The following ABCG8 variants were observed in gnomAD, a reference collection of about 807,000 sequenced individuals.
ABCG8 encodes the protein ATP-binding cassette sub-family G member 8.
ABCG8 carries 81 observed loss-of-function variants against 71.3 expected under a neutral mutation model. The observed-to-expected ratio is 1.14, with a 90% CI of 0.95 to 1.37. The LOEUF (loss-of-function observed/expected upper bound fraction) is 1.37. Among genes scored for constraint, ABCG8 ranks in the 40% most tolerant of loss-of-function variants. The pLI is 0.00. For synonymous variants in ABCG8, 451 were observed against 354.7 expected (o/e 1.27, Z -3.05); for missense variants, 1,119 against 866.2 (o/e 1.29, Z -3.66).
chr2:43,877,315 G>C (rs1411347944), intron 11 of ABCG8, among the ~76,000 whole-genome samples: 1 of 151,348 alleles, frequency 6.6e-6, no homozygotes, highest in Non-Finnish European at 1.5e-5. Context: ...TGTGAATATG[G>C]GGGAGACCAC....
chr2:43,877,761 T>C lies in ABCG8; in HGVS notation c.1885-15T>C, dbSNP rs1157805575. 1 of 1,614,038 alleles carries C rather than the reference T, an allele frequency of 6.2e-7. No individual in the cohort carries two copies. The highest frequency in any genetic ancestry group is 2.2e-5 in the East Asian group (1 of 44,896). On this transcript the variant is annotated splice_polypyrimidine_tract_variant and intron_variant, in intron 12 of 12. Coordinates refer to ENST00000272286, the MANE Select transcript of ABCG8 (RefSeq NM_022437.3). ...CCATCCTCCTCATGAGCCCACTGCATGTCTGTGTCTCCAGATCCTCAGTGT... is the reference window on the plus strand; with the variant it reads ...CCATCCTCCTCATGAGCCCACTGCACGTCTGTGTCTCCAGATCCTCAGTGT...
intron 6 of ABCG8, among the ~76,000 whole-genome samples, chr2:43,867,358 AAG>A (rs1669566472): frequency 6.8e-6 from 1 of 146,262 alleles, no homozygotes; most frequent in African/African-American, 2.6e-5. Context: ...AAAAAAAAAA[AAG>A]AATTCTCACC....
chr2:43,855,966 C>G (rs1175591026), intron 6 of ABCG8, among the ~76,000 whole-genome samples: 1 of 151,842 alleles, frequency 6.6e-6, no homozygotes, highest in Non-Finnish European at 1.5e-5. Flanking sequence ...AGAACTCTCA[C>G]TATCTATCTG....
At chr2:43,873,098 T>A (rs1669837039) in intron 8 of ABCG8, among the ~76,000 whole-genome samples, 1 of 152,084 alleles carries the variant, frequency 6.6e-6, no homozygotes, top group South Asian at 2.1e-4. Flanking sequence ...CTAGCCATAA[T>A]CACCCACCCA....
At chr2:43,856,677 A>G (rs1038599919) in intron 6 of ABCG8, among the ~76,000 whole-genome samples, 21 of 151,914 alleles carry the variant, frequency 1.4e-4, no homozygotes, top group African/African-American at 5.1e-4. Context: ...CTATCTGGAT[A>G]TAATTCTCAC....
intron 3 of ABCG8, among the ~76,000 whole-genome samples, chr2:43,850,086 T>C (rs7590687): frequency 0.95 from 144,428 of 152,172 alleles, 68,622 homozygotes; most frequent in East Asian, 1. Flanking sequence ...GTGGCAGGCA[T>C]GGTGGCAGGT....
At chr2:43,854,977 G>A (rs1258527564) in intron 6 of ABCG8, among the ~76,000 whole-genome samples, 2 of 152,206 alleles carry the variant, frequency 1.3e-5, no homozygotes, top group Non-Finnish European at 2.9e-5. Context: ...GGGCAGAGCA[G>A]CCGACCAAGG....
intron 6 of ABCG8, among the ~76,000 whole-genome samples, chr2:43,860,205 CCA>C: frequency 6.6e-6 from 1 of 151,262 alleles, no homozygotes; most frequent in South Asian, 2.1e-4. Flanking sequence ...AGAATTCTCA[CCA>C]TCTGGATAAA....
At chr2:43,874,925 G>A (rs1336122440) in intron 10 of ABCG8, among the ~76,000 whole-genome samples, 1 of 152,082 alleles carries the variant, frequency 6.6e-6, no homozygotes, top group African/African-American at 2.4e-5. Flanking sequence ...TTGCTGCCCT[G>A]GGGGAAACAG....
In ABCG8 at chr2:43,852,414, A is replaced by G. The variant is rs1668951656; in HGVS notation, c.622A>G (p.Met208Val). Residue 208 changes from methionine to valine, a missense_variant, in exon 5 of 13, where the codon ATG becomes GTG. Transcript: ENST00000272286. ...GTGCGCTGACACCCGCGTGGGCAACATGTACGTGCGGGGGTTGTCGGGGGG... is the reference window on the plus strand; with the variant it reads ...GTGCGCTGACACCCGCGTGGGCAACGTGTACGTGCGGGGGTTGTCGGGGGG... ...RQCADTRVGNMYVRGLSGGER... is the reference protein window; with the variant it reads ...RQCADTRVGNVYVRGLSGGER... 1.2e-6 allele frequency: 2 copies of G among 1,612,608 alleles called. No individual in the cohort carries two copies. Among genetic ancestry groups the G allele is most frequent in the Non-Finnish European group, 1.7e-6 (2 of 1,180,012 alleles).
chr2:43,871,371 G>C (rs776221438), intron 6 of ABCG8, among the ~76,000 whole-genome samples: 4 of 149,968 alleles, frequency 2.7e-5, no homozygotes, highest in Admixed American at 6.6e-5. Flanking sequence ...TCACTCTCTG[G>C]ATAGAACTCT....
intron 10 of ABCG8, 28 bp downstream of exon 10, chr2:43,874,511 C>CT (rs1558857587): frequency 3.5e-6 from 5 of 1,432,502 alleles, no homozygotes; most frequent in Non-Finnish European, 4.7e-6. Context: ...AGAGCAAGTG[C>CT]CCCCCACCCA....
chr2:43,870,189 C>T (rs72798830), intron 6 of ABCG8, among the ~76,000 whole-genome samples: 8,119 of 152,176 alleles, frequency 0.053, 247 homozygotes, highest in Middle Eastern at 0.11. Flanking sequence ...GGATAGAACT[C>T]TCACAATCTG....
chr2:43,851,875 A>C, intron 4 of ABCG8, 53 bp downstream of exon 4: 1 of 1,579,562 alleles, frequency 6.3e-7, no homozygotes, highest in Non-Finnish European at 8.7e-7. Context: ...TACAGTGTCC[A>C]TGCCCCGCTC....
chr2:43,844,655 C>G (rs764059916), intron 2 of ABCG8, 47 bp downstream of exon 2: 4 of 1,459,516 alleles, frequency 2.7e-6, no homozygotes, highest in Non-Finnish European at 3.8e-6. Flanking sequence ...GCAGGGACAG[C>G]CAGGAAATTC....
chr2:43,855,289 ACTAT>A (rs372120163), intron 6 of ABCG8, among the ~76,000 whole-genome samples: 7 of 152,014 alleles, frequency 4.6e-5, no homozygotes, highest in South Asian at 2.1e-4. Flanking sequence ...TATAACTCTC[ACTAT>A]CTATCGAGAT....
Position 43,871,985 on chromosome 2 carries a change from C to A in ABCG8, c.974C>A (p.Thr325Asn), listed in dbSNP as rs372660816. 1 of 1,614,042 alleles carries A rather than the reference C, an allele frequency of 6.2e-7. No homozygotes were observed. The highest frequency in any genetic ancestry group is 8.5e-7 in the Non-Finnish European group (1 of 1,180,044). The change falls in exon 7 of 13, where the codon ACC becomes AAC. Residue 325 changes from threonine (T) to asparagine (N), a missense_variant. Coordinates refer to ENST00000272286, the MANE Select transcript of ABCG8 (RefSeq NM_022437.3). ...SNPADFYVDL[T>N]SIDRRSREQE... ...CATCCCCTGCTTGCAGTGGACCTGA[C>A]CAGCATTGACAGGCGCAGCAGAGAG...
intron 4 of ABCG8, 102 bp from the exon 5 acceptor site, chr2:43,852,252 A>T: frequency 6.4e-7 from 1 of 1,554,502 alleles, no homozygotes. Flanking sequence ...CTTCACTTTC[A>T]AACCCAGCCG....
At chr2:43,862,172 G>A (rs933820250) in intron 6 of ABCG8, among the ~76,000 whole-genome samples, 1,004 of 137,858 alleles carry the variant, frequency 7.3e-3, no homozygotes, top group Middle Eastern at 0.036. Context: ...CACCATCTGG[G>A]TAGAATTCTC....
Sources: allele counts gnomAD v4.1 joint callset (sites outside exome capture counted in the v4.1 genomes callset), GRCh38; gene constraint gnomAD v4.1.1; transcripts MANE v1.5; gene names NCBI Gene and HGNC (gene_info 2026-07-23, HGNC 2026-07-21).